SAMD4B: variants seen among roughly 807,000 people sequenced by gnomAD.
SAMD4B encodes the protein protein Smaug homolog 2.
A neutral mutation model predicts 74.5 loss-of-function variants in SAMD4B; 5 were observed. The observed-to-expected ratio is 0.07, with a 90% CI of 0.04 to 0.14. The LOEUF (loss-of-function observed/expected upper bound fraction) is 0.14. SAMD4B is among the 10% of genes least tolerant of loss of function. The probability of loss-of-function intolerance (pLI) is 1.00; values close to 1 mark genes in which losing one functional copy is unlikely to be tolerated. For synonymous variants in SAMD4B, 373 were observed against 374.9 expected, an observed-to-expected ratio of 1.00 and a Z score of 0.06; for missense variants, 608 against 921.8, an observed-to-expected ratio of 0.66 and a Z score of 4.41.
At chr19:39,374,420 G>GT (rs1237060880) in intron 4 of SAMD4B, among the ~76,000 whole-genome samples, 1 of 152,310 alleles carries the variant, frequency 6.6e-6, no homozygotes, top group Admixed American at 6.5e-5. Flanking sequence ...ATGGGAGGTA[G>GT]TGAGGCCCCA....
chr19:39,389,338 C>T, downstream of SAMD4B: 1 of 1,614,198 alleles, frequency 6.2e-7, no homozygotes, highest in Non-Finnish European at 8.5e-7. The surrounding 1 kb of genome is among the most constrained non-coding windows in gnomAD (Gnocchi z 5.3). Context: ...TGGAGATGTA[C>T]TCTGTCTTTC....
At chr19:39,355,266 G>A (rs886807583) in intron 2 of SAMD4B, among the ~76,000 whole-genome samples, 1 of 152,148 alleles carries the variant, frequency 6.6e-6, no homozygotes, top group African/African-American at 2.4e-5. Context: ...AAAATTGCTG[G>A]ACGCTTGTTT....
rs750887873 is a variant in SAMD4B, at chr19:39,383,558, T to C, written c.*31T>C. On this transcript the variant is annotated 3_prime_UTR_variant, in exon 14 of 14. Coordinates refer to ENST00000610417, the MANE Select transcript of SAMD4B (RefSeq NM_001384574.2). The surrounding 1 kb of genome is among the most constrained non-coding windows in gnomAD (Gnocchi z 4.1). ...CCCACAGCCCAGCGCACCCATAGGC[T>C]CCCTGGGCGGCGGGCGGGGGCCAAC... The C allele has an allele frequency of 6.2e-7, 1 of 1,614,162 alleles. No individual in the cohort carries two copies. Among genetic ancestry groups the C allele is most frequent in the East Asian group, 2.2e-5 (1 of 44,880 alleles).
intron 1 of SAMD4B, among the ~76,000 whole-genome samples, chr19:39,343,082 T>A (rs1324579873): frequency 6.6e-6 from 1 of 151,606 alleles, no homozygotes; most frequent in Non-Finnish European, 1.5e-5. Context: ...TCCTCGTCCA[T>A]TCCACAGCGT....
chr19:39,389,673 T>C, downstream of SAMD4B: 1 of 1,600,572 alleles, frequency 6.2e-7, no homozygotes, highest in Non-Finnish European at 8.6e-7. This position sits in a 1 kb window ranked among gnomAD's most constrained non-coding sequence, Gnocchi z 5.3. Flanking sequence ...TCAGGATTGA[T>C]GAGATCGATG....
chr19:39,386,618 G>A (rs1190828914), downstream of SAMD4B: 1 of 1,608,440 alleles, frequency 6.2e-7, no homozygotes. This position sits in a 1 kb window ranked among gnomAD's most constrained non-coding sequence, Gnocchi z 6.1. Flanking sequence ...GTGTTCTGCT[G>A]GGTTTTTGTC....
chr19:39,366,732 G>C (rs1200323915), intron 3 of SAMD4B, among the ~76,000 whole-genome samples: 1 of 152,178 alleles, frequency 6.6e-6, no homozygotes, highest in Non-Finnish European at 1.5e-5. Context: ...ATCCTTCAGT[G>C]TGGGCAGAGG....
At chr19:39,369,483 G>C in intron 3 of SAMD4B, 172 bp from the exon 4 acceptor site, 1 of 611,622 alleles carries the variant, frequency 1.6e-6, no homozygotes, top group Admixed American at 3.0e-5. Flanking sequence ...TCCAGAGGCA[G>C]GGTCAGTGTG....
chr19:39,366,854 G>A (rs1011728693), intron 3 of SAMD4B, among the ~76,000 whole-genome samples: 4 of 152,160 alleles, frequency 2.6e-5, no homozygotes, highest in African/African-American at 9.7e-5. Flanking sequence ...AGATGTCTAG[G>A]TTTCCAAGAC....
At chr19:39,374,120 C>T (rs2077462130) in intron 4 of SAMD4B, among the ~76,000 whole-genome samples, 1 of 151,660 alleles carries the variant, frequency 6.6e-6, no homozygotes, top group Admixed American at 6.6e-5. Context: ...ATACGAAAAA[C>T]ATTAGCTGGG....
chr19:39,389,678 TC>T, downstream of SAMD4B: 1 of 1,614,112 alleles, frequency 6.2e-7, no homozygotes, highest in Non-Finnish European at 8.5e-7. The surrounding 1 kb of genome is among the most constrained non-coding windows in gnomAD (Gnocchi z 5.3). Context: ...ATTGATGAGA[TC>T]GATGGTGACC....
intron 12 of SAMD4B, among the ~76,000 whole-genome samples, chr19:39,381,795 GGTGGCACACACCC>G (rs2078004202): frequency 6.6e-6 from 1 of 152,174 alleles, no homozygotes; most frequent in Non-Finnish European, 1.5e-5. Context: ...ATCTGGGCAT[GGTGGCACACACCC>G]GTAGTCCCAG....
Position 39,342,444 on chromosome 19 carries a change from G to A in SAMD4B, c.-399G>A, listed in dbSNP as rs1275595539. The A allele has an allele frequency of 4.5e-4, 78 of 171,526 alleles. No individual in the cohort carries two copies. The highest frequency in any genetic ancestry group is 3.4e-4 in the South Asian group (2 of 5,892). The allele number at this position is 171,526 out of a possible 1,614,324, so 10.6% of individuals were successfully genotyped here. On this transcript the variant is annotated 5_prime_UTR_variant, in exon 1 of 14. Coordinates refer to ENST00000610417, the MANE Select transcript of SAMD4B (RefSeq NM_001384574.2). ...GCACGGCGCGGTGACGCAGCGCGAC[G>A]GCGGCGGCGGCGGCGGCGGCGGTGG...
At chr19:39,365,812 G>T (rs528151610) in intron 3 of SAMD4B, among the ~76,000 whole-genome samples, 14 of 152,364 alleles carry the variant, frequency 9.2e-5, no homozygotes, top group Admixed American at 2.6e-4. Context: ...ATTGTCAGTA[G>T]TAGCAACAGC....
chr19:39,364,037 G>A (rs1300301866), intron 3 of SAMD4B, among the ~76,000 whole-genome samples: 4 of 152,126 alleles, frequency 2.6e-5, no homozygotes, highest in Non-Finnish European at 5.9e-5. Flanking sequence ...TGGGAGGCCC[G>A]CCCTCCCCAC....
intron 1 of SAMD4B, among the ~76,000 whole-genome samples, chr19:39,342,948 C>T (rs1490148342): frequency 3.3e-5 from 5 of 151,706 alleles, no homozygotes; most frequent in Admixed American, 6.6e-5. Context: ...AAAACCCACC[C>T]CTCCCGTGGA....
intron 3 of SAMD4B, among the ~76,000 whole-genome samples, chr19:39,362,974 C>A (rs1373414987): frequency 6.6e-6 from 1 of 152,012 alleles, no homozygotes; most frequent in Non-Finnish European, 1.5e-5. Flanking sequence ...AAATGTGAGC[C>A]CCCTGCCCTC....
At position 39,383,954 on chromosome 19, in the gene SAMD4B, G is replaced by T; in HGVS notation, c.*427G>T. ...CATTTGACATTTGGGGTGACGCGCAGGGCAGAGAACCTGCCCTCCAGAATG... is the reference window on the plus strand; with the variant it reads ...CATTTGACATTTGGGGTGACGCGCATGGCAGAGAACCTGCCCTCCAGAATG... On this transcript the variant is annotated 3_prime_UTR_variant, in exon 14 of 14. Coordinates refer to ENST00000610417, the MANE Select transcript of SAMD4B (RefSeq NM_001384574.2). This position sits in a 1 kb window ranked among gnomAD's most constrained non-coding sequence, Gnocchi z 4.1. 1.9e-6 allele frequency: 1 copy of T among 532,182 alleles called. No homozygotes were observed. The highest frequency in any genetic ancestry group is 3.3e-6 in the Non-Finnish European group (1 of 299,632). The allele number at this position is 532,182 out of a possible 1,614,324, so 33.0% of individuals were successfully genotyped here.
intron 3 of SAMD4B, chr19:39,369,116 C>G (rs1470152185): frequency 6.5e-6 from 1 of 154,676 alleles, no homozygotes. Flanking sequence ...TTTCTGAGAA[C>G]AGGAGTGATA....
Sources: allele counts gnomAD v4.1 joint callset (sites outside exome capture counted in the v4.1 genomes callset), GRCh38; gene constraint gnomAD v4.1.1; non-coding constraint Gnocchi (gnomAD v3.1); transcripts MANE v1.5; gene names NCBI Gene and HGNC (gene_info 2026-07-23, HGNC 2026-07-21).